Variants in NEO1 observed in about 807,000 individuals in gnomAD.
NEO1 encodes the protein neogenin 1.
In NEO1, 63 loss-of-function variants were observed where a neutral mutation model predicts 159.7. The ratio of observed to expected loss-of-function variants is 0.39; its 90% CI spans 0.32 to 0.49. The LOEUF (loss-of-function observed/expected upper bound fraction) is 0.49. Ranked by LOEUF, NEO1 falls within the 20% of genes least tolerant of loss-of-function variation. The pLI, the probability that NEO1 is intolerant of heterozygous loss-of-function variation, is 0.85. For missense variants in NEO1, 1,615 were observed against 1,831.0 expected, an observed-to-expected ratio of 0.88 and a Z score of 2.15; for synonymous variants, 633 against 662.0, an observed-to-expected ratio of 0.96 and a Z score of 0.67.
At chr15:73,165,767 G>A (rs967602157) in intron 5 of NEO1, among the ~76,000 whole-genome samples, 1 of 152,250 alleles carries the variant, frequency 6.6e-6, no homozygotes, top group Non-Finnish European at 1.5e-5. Context: ...CGTTTTTACA[G>A]TTGAATGCAA....
At chr15:73,160,712 G>T (rs745780489) in intron 5 of NEO1, among the ~76,000 whole-genome samples, 1 of 152,162 alleles carries the variant, frequency 6.6e-6, no homozygotes, top group Non-Finnish European at 1.5e-5. Flanking sequence ...GGCAAGGTAC[G>T]TGGGAAGGGG....
intron 4 of NEO1, among the ~76,000 whole-genome samples, chr15:73,131,219 A>G (rs2031081321): frequency 6.6e-6 from 1 of 152,252 alleles, no homozygotes; most frequent in Non-Finnish European, 1.5e-5. Context: ...ATCTCAACTG[A>G]AAGGAGAAAA....
At chr15:73,128,770 T>A (rs1326532250) in intron 4 of NEO1, among the ~76,000 whole-genome samples, 1 of 152,206 alleles carries the variant, frequency 6.6e-6, no homozygotes, top group African/African-American at 2.4e-5. Flanking sequence ...ATTCTCAGAC[T>A]GGGGTCTGAG....
chr15:73,267,068 C>T (rs1438238685), intron 16 of NEO1, among the ~76,000 whole-genome samples: 1 of 152,174 alleles, frequency 6.6e-6, no homozygotes, highest in African/African-American at 2.4e-5. Context: ...ACCATCCTGG[C>T]TAACACAGTG....
rs1205131914 is a variant in NEO1 at position 73,219,172 on chromosome 15, C to T, written c.1292-17175C>T. Among the ~76,000 whole-genome samples, 22 of 152,038 alleles carry T rather than the reference C, an allele frequency of 1.4e-4. No individual in the cohort carries two copies. The East Asian group carries it at 3.7e-3, about 25-fold the overall frequency. ...AACATCTTTATTTCTGCCTTCATTT[C>T]GTTATGTACCCAGCAGTCATTCAAG... is the stretch of plus-strand genomic sequence containing the variant. On this transcript the variant is annotated intron_variant, in intron 7 of 28. Coordinates refer to ENST00000261908, the MANE Select transcript of NEO1 (RefSeq NM_002499.4).
chr15:73,091,212 T>C (rs1331172586), intron 1 of NEO1, among the ~76,000 whole-genome samples: 1 of 152,180 alleles, frequency 6.6e-6, no homozygotes, highest in Non-Finnish European at 1.5e-5. Context: ...AATCTGAACC[T>C]CAAAAGTTTT....
intron 1 of NEO1, among the ~76,000 whole-genome samples, chr15:73,104,896 C>T (rs1163281636): frequency 6.6e-6 from 1 of 152,136 alleles, no homozygotes; most frequent in Admixed American, 6.5e-5. Context: ...ATCACCAGAA[C>T]AGCAAGGGGA....
chr15:73,099,700 AT>A (rs2070290423), intron 1 of NEO1, among the ~76,000 whole-genome samples: 1 of 152,162 alleles, frequency 6.6e-6, no homozygotes, highest in South Asian at 2.1e-4. Context: ...TCAACTTAGA[AT>A]TTTTTTAACT....
At chr15:73,250,178 A>T (rs1373833096) in intron 11 of NEO1, among the ~76,000 whole-genome samples, 1 of 152,116 alleles carries the variant, frequency 6.6e-6, no homozygotes, top group Non-Finnish European at 1.5e-5. Context: ...TAAGTTATAT[A>T]TATATATACA....
intron 1 of NEO1, among the ~76,000 whole-genome samples, chr15:73,106,881 C>T (rs773790135): frequency 3.3e-5 from 5 of 152,180 alleles, no homozygotes; most frequent in Non-Finnish European, 4.4e-5. Flanking sequence ...TAGACTTCGT[C>T]CAATAATTCC....
intron 16 of NEO1, 141 bp from the exon 17 acceptor site, chr15:73,269,869 G>A: frequency 1.4e-6 from 1 of 708,970 alleles, no homozygotes; most frequent in Non-Finnish European, 2.4e-6. Flanking sequence ...AATGAATGGT[G>A]GTTATCTATT....
chr15:73,068,847 T>A (rs537044840), intron 1 of NEO1, among the ~76,000 whole-genome samples: 1 of 152,204 alleles, frequency 6.6e-6, no homozygotes, highest in East Asian at 1.9e-4. Flanking sequence ...AAAAGAATAG[T>A]GTTTTTTTTT....
At chr15:73,064,722 C>T (rs1432113918) in intron 1 of NEO1, among the ~76,000 whole-genome samples, 1 of 152,108 alleles carries the variant, frequency 6.6e-6, no homozygotes, top group African/African-American at 2.4e-5. Context: ...CTGCCTTGGC[C>T]CCCCAAAGTG....
chr15:73,115,490 A>G (rs189070056), intron 1 of NEO1, among the ~76,000 whole-genome samples: 4 of 152,332 alleles, frequency 2.6e-5, no homozygotes, highest in Admixed American at 2.6e-4. Flanking sequence ...ATATTTCTTT[A>G]GAGGTGTTTG....
intron 4 of NEO1, among the ~76,000 whole-genome samples, chr15:73,130,258 G>A (rs1596083891): frequency 1.3e-5 from 2 of 151,834 alleles, no homozygotes; most frequent in Non-Finnish European, 2.9e-5. Flanking sequence ...ACAGATGTGC[G>A]TTACTGTGCC....
At chr15:73,181,829 G>A (rs1358379447) in intron 7 of NEO1, among the ~76,000 whole-genome samples, 1 of 152,148 alleles carries the variant, frequency 6.6e-6, no homozygotes, top group Non-Finnish European at 1.5e-5. Context: ...TGATTTATCT[G>A]ATTGAGACTT....
At chr15:73,277,481 G>A (rs1316934882) in intron 21 of NEO1, among the ~76,000 whole-genome samples, 1 of 152,130 alleles carries the variant, frequency 6.6e-6, no homozygotes, top group East Asian at 1.9e-4. Context: ...CCCTGATGAT[G>A]GATTAGGAGA....
rs141061265 is a variant in NEO1 at position 73,156,185 on chromosome 15, C to T, written c.1015+20158C>T. Among the ~76,000 whole-genome samples, 21 of 152,202 alleles carry T rather than the reference C, an allele frequency of 1.4e-4. No homozygotes were observed. The East Asian group carries it at 3.7e-3, about 27-fold the overall frequency. On this transcript the variant is annotated intron_variant, in intron 5 of 28. Transcript: ENST00000261908. ...CGTTTTGGCTTTCCTTCTGGGTATG[C>T]GCAGTGGCTTTAAGGATTCTGTGTG...
chr15:73,170,805 T>C (rs184221326), intron 5 of NEO1, among the ~76,000 whole-genome samples: 22 of 152,286 alleles, frequency 1.4e-4, no homozygotes, highest in Admixed American at 1.3e-3. Context: ...ATCCTAATAA[T>C]TGAAGGAATA....
Sources: allele counts gnomAD v4.1 joint callset (sites outside exome capture counted in the v4.1 genomes callset), GRCh38; gene constraint gnomAD v4.1.1; transcripts MANE v1.5; gene names NCBI Gene and HGNC (gene_info 2026-07-23, HGNC 2026-07-21).